Variants in CSNK1G1 observed in about 807,000 individuals in gnomAD.
The protein encoded by CSNK1G1 is casein kinase 1 gamma 1.
CSNK1G1 carries 22 observed loss-of-function variants against 59.6 expected under a neutral mutation model. The ratio of observed to expected loss-of-function variants is 0.37; its 90% CI spans 0.26 to 0.53. CSNK1G1 has a LOEUF of 0.53. Among genes scored for constraint, CSNK1G1 ranks in the 20% least tolerant of loss-of-function variants. CSNK1G1 has a pLI of 0.89. For synonymous variants in CSNK1G1, 179 were observed against 177.1 expected (o/e 1.01, Z -0.08); for missense variants, 384 against 519.5 (o/e 0.74, Z 2.54).
intron 1 of CSNK1G1, among the ~76,000 whole-genome samples, chr15:64,335,468 C>G (rs984833423): frequency 6.6e-6 from 1 of 152,062 alleles, no homozygotes; most frequent in Non-Finnish European, 1.5e-5. Context: ...AGTCAGTCAC[C>G]ATGACTGCCT....
At chr15:64,235,063 G>C (rs1437254040) in intron 4 of CSNK1G1, among the ~76,000 whole-genome samples, 2 of 152,120 alleles carry the variant, frequency 1.3e-5, no homozygotes, top group Non-Finnish European at 2.9e-5. Flanking sequence ...CTAAGCAGGA[G>C]GAGGGTCAAA....
intron 4 of CSNK1G1, among the ~76,000 whole-genome samples, chr15:64,250,961 T>C (rs955920074): frequency 6.6e-6 from 1 of 152,162 alleles, no homozygotes; most frequent in Non-Finnish European, 1.5e-5. Context: ...ATTTGAGAAA[T>C]TAGAGCTTTT....
chr15:64,296,314 T>C (rs1436722937), intron 2 of CSNK1G1, among the ~76,000 whole-genome samples: 2 of 151,964 alleles, frequency 1.3e-5, no homozygotes, highest in Admixed American at 1.3e-4. Flanking sequence ...AGAGACGAGG[T>C]TTTGCCACGT....
chr15:64,177,618 T>C (rs2081756883), intron 11 of CSNK1G1, among the ~76,000 whole-genome samples: 1 of 152,234 alleles, frequency 6.6e-6, no homozygotes, highest in South Asian at 2.1e-4. Flanking sequence ...TCCTTTTTGC[T>C]AAATGACAAG....
intron 1 of CSNK1G1, among the ~76,000 whole-genome samples, chr15:64,324,819 C>T (rs981936093): frequency 6.6e-6 from 1 of 152,190 alleles, no homozygotes; most frequent in Non-Finnish European, 1.5e-5. Flanking sequence ...CATGAAATTT[C>T]TTTAATGGTT....
chr15:64,167,402 T>C lies in CSNK1G1; in HGVS notation c.*4529A>G, dbSNP rs2081614440. The C allele has an allele frequency of 6.6e-6, 1 of 152,618 alleles. No individual in the cohort carries two copies. The highest frequency in any genetic ancestry group is 1.5e-5 in the Non-Finnish European group (1 of 68,030). 9.5% of individuals were successfully genotyped at this position (152,618 alleles called of 1,614,324 possible). Reference sequence around the variant, plus strand: ...CAATTTGATTCCTATCAACCCCTCATGGGAAAGACTAGGAGTCTCTGCCAT... The same window carrying C: ...CAATTTGATTCCTATCAACCCCTCACGGGAAAGACTAGGAGTCTCTGCCAT... On this transcript the variant is annotated 3_prime_UTR_variant, in exon 12 of 12. Transcript: ENST00000303052.
chr15:64,230,900 G>A (rs1342735723), intron 4 of CSNK1G1, among the ~76,000 whole-genome samples: 1 of 152,076 alleles, frequency 6.6e-6, no homozygotes, highest in Admixed American at 6.6e-5. Context: ...CATGAACCCA[G>A]GAGGCAGAGG....
chr15:64,318,584 T>G (rs1896394931), intron 1 of CSNK1G1, among the ~76,000 whole-genome samples: 1 of 151,778 alleles, frequency 6.6e-6, no homozygotes, highest in Non-Finnish European at 1.5e-5. Context: ...TCTCACTCTG[T>G]TGCCCAGGCT....
rs2081596745 is a variant in CSNK1G1, at chr15:64,165,850, C to T, written c.*6081G>A. 4 of 434,472 alleles carry T rather than the reference C, an allele frequency of 9.2e-6. No homozygotes were observed. Among genetic ancestry groups the T allele is most frequent in the African/African-American group, 6.1e-5 (3 of 49,172 alleles). 26.9% of individuals were successfully genotyped at this position (434,472 alleles called of 1,614,324 possible). A position where few individuals can be genotyped will look rare whatever the true frequency, so the allele number is the denominator to read the frequency against. ...GATCACATTTGTGTTTTCCATGGTG[C>T]CCTAGGAAATGGGCTACTCTGAGAT... On this transcript the variant is annotated 3_prime_UTR_variant, in exon 12 of 12. Transcript: ENST00000303052.
chr15:64,218,786 T>A (rs973527714), intron 4 of CSNK1G1, among the ~76,000 whole-genome samples: 43 of 152,076 alleles, frequency 2.8e-4, no homozygotes, highest in African/African-American at 1.0e-3. Context: ...AAATATCTGT[T>A]CAATTGTTTT....
chr15:64,315,230 A>G (rs1271784839), intron 1 of CSNK1G1, among the ~76,000 whole-genome samples: 1 of 152,218 alleles, frequency 6.6e-6, no homozygotes, highest in Non-Finnish European at 1.5e-5. Context: ...GAAGAGATGG[A>G]GCCAACCTTG....
At chr15:64,263,079 C>CA (rs1216890234) in intron 2 of CSNK1G1, among the ~76,000 whole-genome samples, 13,479 of 52,996 alleles carry the variant, frequency 0.25, 1,927 homozygotes, top group African/African-American at 0.44. Context: ...AACGCCATCT[C>CA]AAAAAAAAAA....
intron 2 of CSNK1G1, among the ~76,000 whole-genome samples, chr15:64,286,890 G>A (rs536166858): frequency 1.4e-4 from 21 of 151,914 alleles, no homozygotes; most frequent in Non-Finnish European, 2.8e-4. Context: ...ATTAATGTTG[G>A]GGATGATCCA....
intron 4 of CSNK1G1, among the ~76,000 whole-genome samples, chr15:64,248,216 G>A (rs909464638): frequency 6.6e-6 from 1 of 152,180 alleles, no homozygotes; most frequent in Non-Finnish European, 1.5e-5. Context: ...TGAAAAAATA[G>A]GGGGAGGAAT....
At chr15:64,189,669 A>C (rs926272253) in intron 10 of CSNK1G1, among the ~76,000 whole-genome samples, 3 of 152,194 alleles carry the variant, frequency 2.0e-5, no homozygotes, top group Non-Finnish European at 4.4e-5. Flanking sequence ...TAAAAAACGA[A>C]GGGCAAGGAA....
chr15:64,302,258 C>T lies in CSNK1G1; in HGVS notation c.-224-1535G>A, dbSNP rs540926429. 1.4e-4 allele frequency among the ~76,000 whole-genome samples: 22 copies of T among 152,144 alleles called. No homozygotes were observed. The South Asian group carries it at 4.6e-3, about 32-fold the overall frequency. On this transcript the variant is annotated intron_variant, in intron 1 of 11. Transcript: ENST00000303052. ...GGAATTACAGGTGCCTGCTACCACA[C>T]CCAGCTAATTTTTTGTATTTTTAGT...
intron 4 of CSNK1G1, among the ~76,000 whole-genome samples, chr15:64,218,933 C>T (rs2082348915): frequency 6.8e-6 from 1 of 148,094 alleles, no homozygotes; most frequent in African/African-American, 2.5e-5. Flanking sequence ...CGACTCACTG[C>T]AACCTCCGCC....
At chr15:64,354,137 C>G (rs1209198598) in intron 1 of CSNK1G1, among the ~76,000 whole-genome samples, 1 of 152,074 alleles carries the variant, frequency 6.6e-6, no homozygotes, top group Non-Finnish European at 1.5e-5. Context: ...AACCCTCTCT[C>G]TACTAAAAAT....
At chr15:64,238,781 G>A (rs1447093263) in intron 4 of CSNK1G1, among the ~76,000 whole-genome samples, 1 of 151,624 alleles carries the variant, frequency 6.6e-6, no homozygotes, top group Non-Finnish European at 1.5e-5. Context: ...TGCCCCCCCA[G>A]GGATAGAGAT....
Sources: gnomAD v4.1 joint callset for allele counts (sites outside exome capture counted in the v4.1 genomes callset) on GRCh38, gnomAD v4.1.1 for gene constraint, MANE v1.5 for transcripts, NCBI Gene and HGNC (gene_info 2026-07-23, HGNC 2026-07-21) for gene names.